GABRG3: variants seen among roughly 807,000 people sequenced by gnomAD.
GABRG3 encodes gamma-aminobutyric acid receptor subunit gamma-3.
In GABRG3, 25 loss-of-function variants were observed where a neutral mutation model predicts 48.8. That is an observed-to-expected ratio of 0.51 (90% CI 0.37 to 0.72). The LOEUF is 0.72. GABRG3 is among the 30% of genes least tolerant of loss of function. GABRG3 has a pLI of 0.00. For synonymous variants in GABRG3, 227 were observed against 217.6 expected, an observed-to-expected ratio of 1.04 and a Z score of -0.38; for missense variants, 394 against 577.9, an observed-to-expected ratio of 0.68 and a Z score of 3.26.
chr15:27,363,204 G>T (rs1275579234), intron 5 of GABRG3: 1 of 152,130 alleles, frequency 6.6e-6, no homozygotes, highest in African/African-American at 2.4e-5. Context: ...ATAGGAGTCT[G>T]CTCTCCTTCT....
At chr15:27,396,590 T>A (rs967339670) in intron 5 of GABRG3, among the ~76,000 whole-genome samples, 3 of 152,156 alleles carry the variant, frequency 2.0e-5, no homozygotes, top group African/African-American at 7.2e-5. Context: ...GTTTATCAGG[T>A]TACACAAAGT....
chr15:27,344,357 C>T (rs1486325249), intron 5 of GABRG3, among the ~76,000 whole-genome samples: 1 of 152,148 alleles, frequency 6.6e-6, no homozygotes, highest in Non-Finnish European at 1.5e-5. Context: ...TCTCTGTAGA[C>T]ATGATGCAGG....
At chr15:27,472,378 C>T (rs780176053) in intron 5 of GABRG3, among the ~76,000 whole-genome samples, 9 of 152,082 alleles carry the variant, frequency 5.9e-5, no homozygotes, top group Non-Finnish European at 1.2e-4. Context: ...CGGGTTCAAG[C>T]GATTCTCCAG....
intron 3 of GABRG3, among the ~76,000 whole-genome samples, chr15:27,232,670 A>G (rs1052378325): frequency 2.0e-5 from 3 of 152,214 alleles, no homozygotes; most frequent in African/African-American, 4.8e-5. Context: ...GGGATAGGAG[A>G]CAACAAGGCC....
chr15:27,330,203 G>A (rs1386555866), intron 5 of GABRG3, among the ~76,000 whole-genome samples: 2 of 152,132 alleles, frequency 1.3e-5, no homozygotes, highest in Non-Finnish European at 2.9e-5. Context: ...TCGCACCACT[G>A]CACTCCAGCC....
At chr15:27,275,732 C>T (rs1168161118) in intron 3 of GABRG3, among the ~76,000 whole-genome samples, 1 of 152,186 alleles carries the variant, frequency 6.6e-6, no homozygotes, top group African/African-American at 2.4e-5. Context: ...GGCCAGGTTT[C>T]GCATTCCTTT....
At chr15:27,121,408 C>T (rs773413279) in intron 3 of GABRG3, among the ~76,000 whole-genome samples, 5 of 152,190 alleles carry the variant, frequency 3.3e-5, no homozygotes, top group East Asian at 1.9e-4. Flanking sequence ...TTCCCTTCGG[C>T]GATACCACCC....
chr15:27,275,439 G>C (rs1025777160), intron 3 of GABRG3, among the ~76,000 whole-genome samples: 2 of 152,146 alleles, frequency 1.3e-5, no homozygotes, highest in Non-Finnish European at 2.9e-5. Flanking sequence ...TAAACATTTT[G>C]TTGAGATAGA....
At chr15:27,410,920 T>C (rs1306310520) in intron 5 of GABRG3, among the ~76,000 whole-genome samples, 1 of 150,320 alleles carries the variant, frequency 6.7e-6, no homozygotes, top group African/African-American at 2.5e-5. Flanking sequence ...GGCAGATAAT[T>C]TACAGGCCTG....
intron 3 of GABRG3, among the ~76,000 whole-genome samples, chr15:27,301,439 T>C (rs908396165): frequency 3.9e-5 from 6 of 152,156 alleles, no homozygotes; most frequent in African/African-American, 1.2e-4. Context: ...ACTTTGGTTA[T>C]TTCTAGTTTT....
At chr15:27,364,354 G>T (rs149551810) in intron 5 of GABRG3, 1 of 152,514 alleles carries the variant, frequency 6.6e-6, no homozygotes, top group Non-Finnish European at 1.5e-5. Flanking sequence ...GGGCAGATGC[G>T]CCTCTACATG....
chr15:27,431,825 A>G (rs1888462822), intron 5 of GABRG3, among the ~76,000 whole-genome samples: 1 of 152,220 alleles, frequency 6.6e-6, no homozygotes, highest in African/African-American at 2.4e-5. Context: ...TGATTTTCAT[A>G]TATTAAACCA....
chr15:27,525,351 A>G (rs930800456), intron 7 of GABRG3, among the ~76,000 whole-genome samples: 1 of 152,216 alleles, frequency 6.6e-6, no homozygotes, highest in Admixed American at 6.5e-5. Flanking sequence ...AAAGCATCCT[A>G]TATGTACTAG....
At chr15:27,351,109 GGT>G (rs1216373363) in intron 5 of GABRG3, among the ~76,000 whole-genome samples, 3 of 148,556 alleles carry the variant, frequency 2.0e-5, no homozygotes, top group East Asian at 4.0e-4. Context: ...GTGTGTGTAT[GGT>G]GTGTGTGTAT....
chr15:27,217,869 A>T (rs1889315067), intron 3 of GABRG3, among the ~76,000 whole-genome samples: 1 of 152,124 alleles, frequency 6.6e-6, no homozygotes, highest in East Asian at 1.9e-4. Context: ...TCCCAGCGGG[A>T]CGGCTGTCCT....
intron 5 of GABRG3, among the ~76,000 whole-genome samples, chr15:27,406,689 C>T (rs997761138): frequency 3.3e-5 from 5 of 152,084 alleles, no homozygotes; most frequent in African/African-American, 1.2e-4. Context: ...CACAGATAAT[C>T]GTAGTGGGAT....
At chr15:27,530,370 C>T (rs770243790) in intron 9 of GABRG3, among the ~76,000 whole-genome samples, 1 of 152,136 alleles carries the variant, frequency 6.6e-6, no homozygotes, top group Non-Finnish European at 1.5e-5. Flanking sequence ...ATTAAAATCT[C>T]TATCTTGGGT....
In GABRG3 at chr15:27,388,369, AAAGGAAGGAAGGAAGGAAAGGAGG is replaced by A. The variant is rs1896105707; in HGVS notation, c.574+59482_574+59505del. Among the ~76,000 whole-genome samples, 296 of 31,882 alleles carry A rather than the reference AAAGGAAGGAAGGAAGGAAAGGAGG, an allele frequency of 9.3e-3. 14 individuals carry two copies. The highest frequency in any genetic ancestry group is 0.025 in the African/African-American group (265 of 10,784). 20.9% of individuals were successfully genotyped at this position (31,882 alleles called of 152,430 possible). On this transcript the variant is annotated intron_variant, in intron 5 of 9. Transcript: ENST00000615808. ...GAGGGAGGGTAAGGAAGGAAGGAAG[AAAGGAAGGAAGGAAGGAAAGGAGG>A]GAGGGAGGGGAAGGAAGGAAGGGGA...
At chr15:27,205,551 G>C (rs561321729) in intron 3 of GABRG3, among the ~76,000 whole-genome samples, 146 of 152,064 alleles carry the variant, frequency 9.6e-4, no homozygotes, top group African/African-American at 3.4e-3. Context: ...GCCTGGTTTT[G>C]GTATCAGAAT....
Sources: allele counts gnomAD v4.1 joint callset (sites outside exome capture counted in the v4.1 genomes callset), GRCh38; gene constraint gnomAD v4.1.1; transcripts MANE v1.5; gene names NCBI Gene and HGNC (gene_info 2026-07-23, HGNC 2026-07-21).